The following TMEM272 variants were observed in gnomAD, a reference collection of about 807,000 sequenced individuals.
TMEM272 encodes the protein long intergenic non-protein coding RNA 282.
Under a neutral mutation model 3.7 loss-of-function variants are expected in TMEM272, and 8 were observed. The observed-to-expected ratio is 2.17, with a 90% confidence interval of 1.27 to 3.91. The LOEUF is 3.91. TMEM272 is among the 30% of genes most tolerant of loss of function. The pLI is 0.00. For missense variants in TMEM272, 166 were observed against 91.5 expected (o/e 1.81, Z -3.32); for synonymous variants, 63 against 39.8 (o/e 1.58, Z -2.20).
chr13:51,888,283 T>A, the TMEM272 span, among the ~76,000 whole-genome samples: 1 of 152,160 alleles, frequency 6.6e-6, no homozygotes. Flanking sequence ...TGACCTCAGG[T>A]GATCCGTTCA....
chr13:51,926,782 A>G, the TMEM272 span, among the ~76,000 whole-genome samples: 1 of 152,198 alleles, frequency 6.6e-6, no homozygotes, highest in African/African-American at 2.4e-5. Flanking sequence ...ATTGACAGTG[A>G]TAGCATAAGT....
intron 3 of TMEM272, among the ~76,000 whole-genome samples, chr13:51,822,606 G>C (rs958246973): frequency 6.6e-6 from 1 of 152,014 alleles, no homozygotes; most frequent in Non-Finnish European, 1.5e-5. Flanking sequence ...CCAGGGGCCA[G>C]GTGGCAGGGA....
At chr13:51,861,570 A>G in the TMEM272 span, among the ~76,000 whole-genome samples, 35 of 152,328 alleles carry the variant, frequency 2.3e-4, no homozygotes, top group African/African-American at 8.4e-4. Flanking sequence ...GAAAGAAAAA[A>G]GAATGAAGAA....
At chr13:51,919,570 T>C in the TMEM272 span, among the ~76,000 whole-genome samples, 1 of 152,188 alleles carries the variant, frequency 6.6e-6, no homozygotes, top group East Asian at 1.9e-4. Context: ...GTATCTGTAA[T>C]TTTTTTCACT....
At chr13:51,897,793 G>T in the TMEM272 span, among the ~76,000 whole-genome samples, 1 of 151,616 alleles carries the variant, frequency 6.6e-6, no homozygotes, top group African/African-American at 2.4e-5. Flanking sequence ...CAGGCATGGT[G>T]GTGCGTGCCT....
chr13:51,926,165 TG>T, the TMEM272 span, among the ~76,000 whole-genome samples: 1 of 151,912 alleles, frequency 6.6e-6, no homozygotes, highest in Non-Finnish European at 1.5e-5. Context: ...GTGGTGTATG[TG>T]TGTGTGTCTT....
At chr13:51,891,100 G>A in the TMEM272 span, among the ~76,000 whole-genome samples, 17 of 152,178 alleles carry the variant, frequency 1.1e-4, no homozygotes, top group Non-Finnish European at 2.1e-4. Context: ...AAATGGGCTT[G>A]TGTTTGGGGC....
chr13:51,894,246 A>T, the TMEM272 span, among the ~76,000 whole-genome samples: 1 of 152,200 alleles, frequency 6.6e-6, no homozygotes, highest in South Asian at 2.1e-4. Context: ...TGGATTCAGG[A>T]ACTAAAGCAA....
chr13:51,918,664 CA>C, the TMEM272 span, among the ~76,000 whole-genome samples: 2 of 152,124 alleles, frequency 1.3e-5, no homozygotes, highest in Non-Finnish European at 2.9e-5. Context: ...CTTGCTCTGT[CA>C]TCCAGGCTGG....
the TMEM272 span, among the ~76,000 whole-genome samples, chr13:51,903,941 A>ATGTGTGTGTGTGTGTG: frequency 1.1e-4 from 1 of 9,146 alleles, no homozygotes. Flanking sequence ...ACAGTCTTCC[A>ATGTGTGTGTGTGTGTG]CGTGTGTGTG....
the TMEM272 span, among the ~76,000 whole-genome samples, chr13:51,914,709 C>T: frequency 6.6e-6 from 1 of 152,220 alleles, no homozygotes; most frequent in African/African-American, 2.4e-5. Context: ...CCTGGCTCCT[C>T]GGAGTGTGGC....
chr13:51,862,154 G>A, the TMEM272 span: 1 of 152,246 alleles, frequency 6.6e-6, no homozygotes, highest in Non-Finnish European at 1.5e-5. Context: ...ACGCATCACT[G>A]GGGATCTGAC....
the TMEM272 span, among the ~76,000 whole-genome samples, chr13:51,903,942 C>T: frequency 2.9e-5 from 4 of 136,552 alleles, no homozygotes; most frequent in Non-Finnish European, 3.1e-5. Flanking sequence ...CAGTCTTCCA[C>T]GTGTGTGTGT....
At chr13:51,857,419 A>C in the TMEM272 span, among the ~76,000 whole-genome samples, 1 of 152,194 alleles carries the variant, frequency 6.6e-6, no homozygotes, top group Non-Finnish European at 1.5e-5. Flanking sequence ...GGGTAATTAC[A>C]AATGTATGTT....
At chr13:51,928,834 G>T in the TMEM272 span, among the ~76,000 whole-genome samples, 2 of 152,158 alleles carry the variant, frequency 1.3e-5, no homozygotes, top group African/African-American at 4.8e-5. Flanking sequence ...AGAACATGGA[G>T]CTTTGGAGCC....
At chr13:51,912,041 GGC>G in the TMEM272 span, among the ~76,000 whole-genome samples, 1,322 of 152,178 alleles carry the variant, frequency 8.7e-3, 17 homozygotes, top group African/African-American at 0.03. Flanking sequence ...CTGTCAGTGT[GGC>G]ACCTCCCACC....
At chr13:51,849,303 G>A (rs1444682810), upstream of TMEM272, among the ~76,000 whole-genome samples, 2 of 152,196 alleles carry the variant, frequency 1.3e-5, no homozygotes, top group Non-Finnish European at 2.9e-5. Context: ...AATAGTCATA[G>A]ACATGGAAGT....
intron 3 of TMEM272, among the ~76,000 whole-genome samples, chr13:51,822,471 A>C (rs1956088057): frequency 6.6e-6 from 1 of 152,202 alleles, no homozygotes; most frequent in Non-Finnish European, 1.5e-5. Context: ...GTTTTCAAGG[A>C]TTCAGGATTC....
chr13:51,927,044 G>GT, the TMEM272 span, among the ~76,000 whole-genome samples: 1 of 152,204 alleles, frequency 6.6e-6, no homozygotes, highest in Admixed American at 6.5e-5. Context: ...ATAAACCCAA[G>GT]TAAGTGTATC....
Sources: allele counts gnomAD v4.1 joint callset (sites outside exome capture counted in the v4.1 genomes callset), GRCh38; gene constraint gnomAD v4.1.1; transcripts MANE v1.5; gene names NCBI Gene and HGNC (gene_info 2026-07-23, HGNC 2026-07-21).